Variants in ADAMTS9 observed in about 807,000 individuals in gnomAD.
ADAMTS9 encodes the protein ADAM metallopeptidase with thrombospondin type 1 motif 9.
A neutral mutation model predicts 257.1 loss-of-function variants in ADAMTS9; 107 were observed. That is an observed-to-expected ratio of 0.42 (90% confidence interval 0.36 to 0.49). The LOEUF is 0.49. ADAMTS9 is among the 20% of genes least tolerant of loss of function. ADAMTS9 has a pLI of 0.03. For missense variants in ADAMTS9, 2,353 were observed against 2,469.1 expected, an observed-to-expected ratio of 0.95 and a Z score of 1.00; for synonymous variants, 982 against 880.9, an observed-to-expected ratio of 1.11 and a Z score of -2.03.
At chr3:64,660,774 C>T (rs546712513) in intron 3 of ADAMTS9, among the ~76,000 whole-genome samples, 1 of 152,046 alleles carries the variant, frequency 6.6e-6, no homozygotes, top group Non-Finnish European at 1.5e-5. Flanking sequence ...CTGTAAAGTT[C>T]TTCCTTTAAG....
chr3:64,651,220 T>A (rs1700924119), intron 8 of ADAMTS9, 57 bp from the exon 9 acceptor site: 1 of 1,453,574 alleles, frequency 6.9e-7, no homozygotes. Flanking sequence ...ATCATGCTGT[T>A]CTAATTGCTT....
At chr3:64,545,591 C>T in intron 32 of ADAMTS9, among the ~76,000 whole-genome samples, 1 of 152,020 alleles carries the variant, frequency 6.6e-6, no homozygotes, top group Admixed American at 6.6e-5. Context: ...GGGAACATCA[C>T]ATACCGGGGC....
At chr3:64,642,948 G>T (rs893478726) in intron 11 of ADAMTS9, among the ~76,000 whole-genome samples, 2 of 152,140 alleles carry the variant, frequency 1.3e-5, no homozygotes, top group Non-Finnish European at 2.9e-5. Context: ...GTCTCAGTGG[G>T]AATAGCAGGC....
chr3:64,521,526 C>T (rs972233388), intron 39 of ADAMTS9: 3 of 152,070 alleles, frequency 2.0e-5, no homozygotes, highest in African/African-American at 7.2e-5. Context: ...CAATAGCAAA[C>T]GTGGAATCAA....
intron 27 of ADAMTS9, among the ~76,000 whole-genome samples, chr3:64,595,737 C>CA (rs2084353433): frequency 2.0e-5 from 3 of 152,148 alleles, no homozygotes; most frequent in Non-Finnish European, 4.4e-5. Flanking sequence ...GAAATGTGGA[C>CA]ACGTGATTTC....
intron 29 of ADAMTS9, 69 bp downstream of exon 29, chr3:64,568,299 T>G (rs1321620389): frequency 6.5e-7 from 1 of 1,526,910 alleles, no homozygotes; most frequent in African/African-American, 1.4e-5. Context: ...GAAACACAAG[T>G]GAACACACTG....
At chr3:64,655,306 C>G (rs1344001609) in intron 6 of ADAMTS9, among the ~76,000 whole-genome samples, 1 of 152,190 alleles carries the variant, frequency 6.6e-6, no homozygotes, top group East Asian at 1.9e-4. Context: ...CAAGGTGATT[C>G]TGCCCTCCCC....
chr3:64,642,145 T>A (rs1363546772), intron 11 of ADAMTS9, 152 bp from the exon 12 acceptor site: 2 of 906,668 alleles, frequency 2.2e-6, no homozygotes, highest in African/African-American at 1.7e-5. Context: ...ATGGAAGCTA[T>A]AGGGATTTTA....
chr3:64,685,712 G>A (rs1279195663), intron 2 of ADAMTS9, among the ~76,000 whole-genome samples: 2 of 152,158 alleles, frequency 1.3e-5, no homozygotes, highest in Non-Finnish European at 1.5e-5. Flanking sequence ...CGGCCTCCCC[G>A]CCCTGCCTCA....
At chr3:64,614,200 A>C (rs2084718442) in intron 21 of ADAMTS9, among the ~76,000 whole-genome samples, 1 of 152,226 alleles carries the variant, frequency 6.6e-6, no homozygotes, top group African/African-American at 2.4e-5. Context: ...TATTATTGCA[A>C]AGGTTTGTTA....
At chr3:64,663,633 A>G (rs1304091559) in intron 3 of ADAMTS9, among the ~76,000 whole-genome samples, 1 of 152,122 alleles carries the variant, frequency 6.6e-6, no homozygotes, top group African/African-American at 2.4e-5. Context: ...AAAAGGCTAC[A>G]ATTTCTACCA....
intron 11 of ADAMTS9, among the ~76,000 whole-genome samples, chr3:64,647,271 C>G (rs573940889): frequency 6.6e-6 from 1 of 151,888 alleles, no homozygotes; most frequent in South Asian, 2.1e-4. Flanking sequence ...GATGGTATCA[C>G]TAACATGTCA....
At chr3:64,565,078 T>C (rs2083509109) in intron 29 of ADAMTS9, among the ~76,000 whole-genome samples, 1 of 152,198 alleles carries the variant, frequency 6.6e-6, no homozygotes, top group Admixed American at 6.5e-5. Flanking sequence ...CCAATGCTCA[T>C]GCTTCAAATA....
chr3:64,659,202 C>G (rs1265792884), intron 3 of ADAMTS9, among the ~76,000 whole-genome samples: 5 of 152,066 alleles, frequency 3.3e-5, no homozygotes, highest in African/African-American at 1.2e-4. Context: ...GCACGGTGGC[C>G]CATGCCTGTA....
chr3:64,687,831 G>T lies in ADAMTS9; in HGVS notation c.-174C>A. 2 of 481,550 alleles carry T rather than the reference G, an allele frequency of 4.2e-6. No homozygotes were observed. The highest frequency in any genetic ancestry group is 7.4e-6 in the Non-Finnish European group (2 of 271,584). 29.8% of individuals were successfully genotyped at this position (481,550 alleles called of 1,614,324 possible). A position where few individuals can be genotyped will look rare whatever the true frequency, so the allele number is the denominator to read the frequency against. On this transcript the variant is annotated 5_prime_UTR_variant, in exon 1 of 40. Transcript: ENST00000498707. This position sits in a 1 kb window ranked among gnomAD's most constrained non-coding sequence, Gnocchi z 4.4. ...GCTGCGAGGGTCCCGTCTGCGCTCG[G>T]CTGAGCAACGCCGCCGCCTGCCGAG...
chr3:64,655,702 A>T lies in ADAMTS9; in HGVS notation c.1054-11T>A, dbSNP rs9812473. Reference sequence around the variant, plus strand: ...TATGGAAGGCCCATCCTAAATACAGAGAAGAATTATGGTTAATCTGTTGTA... The same window carrying T: ...TATGGAAGGCCCATCCTAAATACAGTGAAGAATTATGGTTAATCTGTTGTA... On this transcript the variant is annotated splice_polypyrimidine_tract_variant and intron_variant, in intron 5 of 39. Coordinates refer to ENST00000498707, the MANE Select transcript of ADAMTS9 (RefSeq NM_182920.2). 1.2e-6 allele frequency: 2 copies of T among 1,610,040 alleles called. No homozygotes were observed. The highest frequency in any genetic ancestry group is 1.7e-5 in the Admixed American group (1 of 60,008).
At chr3:64,606,705 C>T (rs1296487135) in intron 23 of ADAMTS9, among the ~76,000 whole-genome samples, 1 of 151,996 alleles carries the variant, frequency 6.6e-6, no homozygotes. Context: ...GAAAATGAGC[C>T]CAAAACCCAA....
rs1463719352 is a variant in ADAMTS9, at chr3:64,616,057, T to G, written c.2927A>C (p.Asp976Ala). 1 of 1,614,044 alleles carries G rather than the reference T, an allele frequency of 6.2e-7. No individual in the cohort carries two copies. Among genetic ancestry groups the G allele is most frequent in the Non-Finnish European group, 8.5e-7 (1 of 1,179,980 alleles). The change falls in exon 20 of 40, where the codon GAT (aspartate) becomes GCT (alanine). Residue 976 changes from aspartate (D) to alanine (A), a missense_variant. By Grantham distance (126) the Asp-to-Ala change is moderately radical. Transcript: ENST00000498707. ...GGGATGGCTGCTGCAAAAACCATCA[T>G]CAACCTTCTCAGTCTTCCCATCCAG... ...SRLDGKTEKV[D>A]DGFCSSHPKP...
At chr3:64,618,619 T>C (rs1375436947) in intron 19 of ADAMTS9, among the ~76,000 whole-genome samples, 1 of 152,148 alleles carries the variant, frequency 6.6e-6, no homozygotes, top group Non-Finnish European at 1.5e-5. Context: ...CAGAACCTAT[T>C]TCACTGGGAT....
Sources: allele counts gnomAD v4.1 joint callset (sites outside exome capture counted in the v4.1 genomes callset), GRCh38; gene constraint gnomAD v4.1.1; non-coding constraint Gnocchi (gnomAD v3.1); transcripts MANE v1.5; gene names NCBI Gene and HGNC (gene_info 2026-07-23, HGNC 2026-07-21).